The following MCCC1 variants were observed in gnomAD, a reference collection of about 807,000 sequenced individuals.
The protein encoded by MCCC1 is methylcrotonyl-CoA carboxylase subunit 1.
A neutral mutation model predicts 83.8 loss-of-function variants in MCCC1; 64 were observed. The ratio of observed to expected loss-of-function variants is 0.76; its 90% CI spans 0.62 to 0.94. The LOEUF is 0.94. MCCC1 is among the 40% of genes least tolerant of loss of function. The pLI, the probability that MCCC1 is intolerant of heterozygous loss-of-function variation, is 0.00. For synonymous variants in MCCC1, 322 were observed against 315.4 expected, an observed-to-expected ratio of 1.02 and a Z score of -0.22; for missense variants, 807 against 904.7, an observed-to-expected ratio of 0.89 and a Z score of 1.39.
At chr3:183,092,629 T>C in intron 2 of MCCC1, 84 bp from the exon 3 acceptor site, 4 of 1,560,856 alleles carry the variant, frequency 2.6e-6, no homozygotes, top group Non-Finnish European at 3.5e-6. Context: ...AACTGGCTGA[T>C]AAGGACTCGA....
At chr3:183,036,923 C>T (rs769065943) in intron 13 of MCCC1, among the ~76,000 whole-genome samples, 3 of 152,068 alleles carry the variant, frequency 2.0e-5, no homozygotes, top group East Asian at 1.9e-4. Context: ...TCCAGCCGCC[C>T]TGGCCTCCCA....
intron 1 of MCCC1, among the ~76,000 whole-genome samples, chr3:183,113,149 G>A (rs368308372): frequency 1.3e-3 from 193 of 151,170 alleles, no homozygotes; most frequent in African/African-American, 4.5e-3. Flanking sequence ...CCTTGAACCC[G>A]GGAGGCAGAG....
chr3:183,020,047 G>A, intron 17 of MCCC1, 83 bp downstream of exon 17: 1 of 1,052,068 alleles, frequency 9.5e-7, no homozygotes, highest in Admixed American at 1.8e-5. Flanking sequence ...GGTTTAGAAA[G>A]GGAAAAGGAC....
At chr3:183,034,102 A>G in intron 13 of MCCC1, 25 bp from the exon 14 acceptor site, 1 of 1,469,036 alleles carries the variant, frequency 6.8e-7, no homozygotes, top group Non-Finnish European at 9.5e-7. Flanking sequence ...AAATTCAGTA[A>G]CAAACTTATG....
chr3:183,031,958 T>C (rs568346963), intron 14 of MCCC1, among the ~76,000 whole-genome samples: 1 of 152,246 alleles, frequency 6.6e-6, no homozygotes, highest in South Asian at 2.1e-4. Flanking sequence ...TGTGAGCCAC[T>C]GTGACCAGCC....
intron 10 of MCCC1, among the ~76,000 whole-genome samples, chr3:183,043,258 G>C (rs1331384972): frequency 6.6e-6 from 1 of 152,232 alleles, no homozygotes; most frequent in Non-Finnish European, 1.5e-5. Flanking sequence ...TTGCACTCCA[G>C]CCTGGGCAAA....
intron 9 of MCCC1, 62 bp downstream of exon 9, chr3:183,052,097 C>T (rs1038966867): frequency 4.3e-5 from 64 of 1,491,800 alleles, no homozygotes; most frequent in Non-Finnish European, 5.9e-5. Flanking sequence ...GTTTCTCTTG[C>T]CTTCTAAAAC....
intron 1 of MCCC1, among the ~76,000 whole-genome samples, chr3:183,114,048 C>G (rs1296141819): frequency 6.6e-6 from 1 of 152,184 alleles, no homozygotes; most frequent in Non-Finnish European, 1.5e-5. Flanking sequence ...CAGCCTCTTC[C>G]TCAAGGACTT....
At chr3:183,091,953 G>A (rs955662640) in intron 3 of MCCC1, among the ~76,000 whole-genome samples, 7 of 152,110 alleles carry the variant, frequency 4.6e-5, no homozygotes, top group East Asian at 3.9e-4. Flanking sequence ...CAGGAGAATC[G>A]AGGCAGGAGA....
intron 1 of MCCC1, 92 bp downstream of exon 1, chr3:183,099,260 C>A: frequency 6.9e-7 from 1 of 1,451,144 alleles, no homozygotes; most frequent in African/African-American, 1.4e-5. Context: ...CCCACACCGA[C>A]CCTGGGTTCC....
upstream of MCCC1, among the ~76,000 whole-genome samples, chr3:183,102,775 T>TG (rs1719337093): frequency 1.1e-5 from 1 of 95,190 alleles, no homozygotes; most frequent in African/African-American, 5.1e-5. Context: ...TTTTTTTTTT[T>TG]TTTTTTTTTT....
intron 17 of MCCC1, among the ~76,000 whole-genome samples, chr3:183,019,600 T>C (rs1711978321): frequency 6.6e-6 from 1 of 152,198 alleles, no homozygotes; most frequent in Non-Finnish European, 1.5e-5. Context: ...TAAATTTCTA[T>C]TGTTTAAAAG....
intron 17 of MCCC1, among the ~76,000 whole-genome samples, chr3:183,018,991 A>G (rs1018283497): frequency 6.6e-6 from 1 of 152,218 alleles, no homozygotes; most frequent in Non-Finnish European, 1.5e-5. Context: ...TGGGAGACTA[A>G]CAGAGTTGTG....
At chr3:183,030,402 C>A (rs1285556998) in intron 14 of MCCC1, among the ~76,000 whole-genome samples, 1 of 152,204 alleles carries the variant, frequency 6.6e-6, no homozygotes, top group Non-Finnish European at 1.5e-5. Context: ...TCACGCTTCT[C>A]CTTCACTACG....
intron 15 of MCCC1, among the ~76,000 whole-genome samples, chr3:183,025,284 A>G (rs1712495445): frequency 6.6e-6 from 1 of 152,272 alleles, no homozygotes; most frequent in Non-Finnish European, 1.5e-5. Flanking sequence ...TTAAAATGGT[A>G]AATTCTACAT....
upstream of MCCC1, among the ~76,000 whole-genome samples, chr3:183,101,886 G>A (rs1251123458): frequency 1.3e-5 from 2 of 151,894 alleles, no homozygotes; most frequent in African/African-American, 2.4e-5. Flanking sequence ...CTCCGGACAC[G>A]CTGCCTTAAG....
chr3:183,032,326 C>T (rs950039288), intron 14 of MCCC1, among the ~76,000 whole-genome samples: 4 of 152,226 alleles, frequency 2.6e-5, no homozygotes, highest in East Asian at 3.9e-4. Flanking sequence ...GAAACTTTAC[C>T]GCTTTTGATA....
At chr3:183,027,240 C>T (rs539141104) in intron 14 of MCCC1, among the ~76,000 whole-genome samples, 1 of 152,250 alleles carries the variant, frequency 6.6e-6, no homozygotes, top group South Asian at 2.1e-4. Flanking sequence ...CTGTCTCTCT[C>T]CCTCTCTATG....
intron 10 of MCCC1, among the ~76,000 whole-genome samples, chr3:183,044,729 G>A (rs73886206): frequency 0.026 from 4,018 of 152,120 alleles, 159 homozygotes; most frequent in East Asian, 0.095. Flanking sequence ...CTGGCTGCCC[G>A]GGCCTAGGGG....
Sources: gnomAD v4.1 joint callset for allele counts (sites outside exome capture counted in the v4.1 genomes callset) on GRCh38, gnomAD v4.1.1 for gene constraint, MANE v1.5 for transcripts, NCBI Gene and HGNC (gene_info 2026-07-23, HGNC 2026-07-21) for gene names.